The following PLA2G2A variants were observed in gnomAD, a reference collection of about 807,000 sequenced individuals.
The protein encoded by PLA2G2A is phospholipase A2, membrane associated.
Under a neutral mutation model 11.2 loss-of-function variants are expected in PLA2G2A, and 6 were observed. The ratio of observed to expected loss-of-function variants is 0.54; its 90% CI spans 0.29 to 1.06. The LOEUF (loss-of-function observed/expected upper bound fraction) is 1.06, where lower values mean the gene tolerates loss of function less well. Ranked by LOEUF, PLA2G2A falls within the 50% of genes least tolerant of loss-of-function variation. The probability of loss-of-function intolerance (pLI) is 0.08; values close to 1 mark genes in which losing one functional copy is unlikely to be tolerated. For synonymous variants in PLA2G2A, 69 were observed against 65.8 expected (o/e 1.05, Z -0.23); for missense variants, 133 against 177.1 (o/e 0.75, Z 1.41).
intron 4 of PLA2G2A, among the ~76,000 whole-genome samples, 186 bp downstream of exon 4, chr1:19,977,829 A>G (rs1197704399): frequency 6.6e-6 from 1 of 152,100 alleles, no homozygotes; most frequent in African/African-American, 2.4e-5. Context: ...TTAATGCCTT[A>G]TCTGTTTGTT....
rs1003593354 is a variant in PLA2G2A at position 19,975,934 on chromosome 1, T to C, written c.293-91A>G. ...CCCTGGGGTAGAAGACACAGCCCTG[T>C]CCTCCAGAAGCTCCTAGTTGGAGAC... On this transcript the variant is annotated intron_variant, in intron 4 of 4. Coordinates refer to ENST00000482011, the Ensembl canonical transcript of PLA2G2A. 9.1e-6 allele frequency: 10 copies of C among 1,093,812 alleles called. No individual in the cohort carries two copies. The African/African-American group carries it at 1.2e-4, about 14-fold the overall frequency. 67.8% of individuals were successfully genotyped at this position (1,093,812 alleles called of 1,614,324 possible).
At chr1:19,977,455 C>A (rs990944763) in intron 4 of PLA2G2A, among the ~76,000 whole-genome samples, 1 of 152,236 alleles carries the variant, frequency 6.6e-6, no homozygotes, top group African/African-American at 2.4e-5. Context: ...CTCTGCCCCC[C>A]TTCCACTTGT....
intron 3 of PLA2G2A, 54 bp from the exon 4 acceptor site, chr1:19,978,175 T>C: frequency 7.0e-7 from 1 of 1,421,044 alleles, no homozygotes. Context: ...GGAGGCCTGG[T>C]GCCTGTGGTC....
At chr1:19,980,426 GC>G (rs2046283387), upstream of PLA2G2A, 2 of 152,452 alleles carry the variant, frequency 1.3e-5, no homozygotes, top group Admixed American at 1.3e-4. Flanking sequence ...CAGCCTTCGG[GC>G]TGACACTGAC....
intron 3 of PLA2G2A, 126 bp downstream of exon 3, chr1:19,978,254 C>T: frequency 7.3e-7 from 1 of 1,377,136 alleles, no homozygotes; most frequent in Non-Finnish European, 1.0e-6. Flanking sequence ...TTCCAACATG[C>T]CGGCTGCTTT....
chr1:19,975,829 A>G, exon 5 of PLA2G2A: 1 of 1,614,068 alleles, frequency 6.2e-7, no homozygotes, highest in Non-Finnish European at 8.5e-7. Context: ...TGACTTCTGC[A>G]GGAGTCCTGT....
In PLA2G2A at chr1:19,978,832, T is replaced by C. The variant is rs185036959; in HGVS notation, c.-59A>G. On this transcript the variant is annotated 5_prime_UTR_variant, in exon 2 of 5. Transcript: ENST00000482011. Reference sequence around the variant, plus strand: ...CTGGCCTAGCTCCTCTGCTGGGTGGTCTCAACTTCTGCCCCGGCCGTCGCT... The same window carrying C: ...CTGGCCTAGCTCCTCTGCTGGGTGGCCTCAACTTCTGCCCCGGCCGTCGCT... 67 of 1,558,808 alleles carry C rather than the reference T, an allele frequency of 4.3e-5. No homozygotes were observed. The Admixed American group carries it at 8.0e-4, about 19-fold the overall frequency.
exon 3 of PLA2G2A, chr1:19,978,475 C>T: frequency 6.2e-7 from 1 of 1,613,952 alleles, no homozygotes; most frequent in Non-Finnish European, 8.5e-7. Context: ...CTGTCGTCAA[C>T]TTGATCATTC....
intron 3 of PLA2G2A, 97 bp from the exon 4 acceptor site, chr1:19,978,218 G>A: frequency 1.5e-6 from 2 of 1,334,782 alleles, no homozygotes; most frequent in African/African-American, 2.9e-5. Flanking sequence ...GAGACCCAGT[G>A]ACTTTGCAAC....
At chr1:19,977,535 T>C (rs2046237603) in intron 4 of PLA2G2A, among the ~76,000 whole-genome samples, 1 of 152,236 alleles carries the variant, frequency 6.6e-6, no homozygotes, top group South Asian at 2.1e-4. Flanking sequence ...CTTTGCTTAA[T>C]AGCATCCTAT....
At chr1:19,979,050 C>T in intron 1 of PLA2G2A, 171 bp from the exon 2 acceptor site, 1 of 545,680 alleles carries the variant, frequency 1.8e-6, no homozygotes, top group Non-Finnish European at 3.3e-6. Context: ...TCACACACAT[C>T]AGGCCCTCAG....
Position 19,978,458 on chromosome 1 carries a change from TC to T in PLA2G2A, c.106del (p.Glu36LysfsTer49). The stretch of plus-strand genomic sequence containing the variant: ...GTAGAAGCCATAACTGAGTGCGGCT[TC>T]CTTTCCTGTCGTCAACTTGATCATT... On this transcript the variant is annotated frameshift_variant, in exon 3 of 5. Transcript: ENST00000482011. LOFTEE classifies it high-confidence loss of function. The T allele has an allele frequency of 2.5e-6, 4 of 1,613,984 alleles. No homozygotes were observed. The Middle Eastern group carries it at 6.7e-4, about 268-fold the overall frequency.
upstream of PLA2G2A, chr1:19,979,664 G>A (rs1439726660): frequency 6.6e-6 from 1 of 152,466 alleles, no homozygotes; most frequent in African/African-American, 2.4e-5. Flanking sequence ...CTCCCTCTGG[G>A]AGGTTGGGGG....
downstream of PLA2G2A, chr1:19,975,584 T>C (rs570913446): frequency 4.5e-5 from 43 of 960,146 alleles, no homozygotes; most frequent in African/African-American, 4.6e-4. Context: ...CTGCCTGGCC[T>C]CTAGGATGGG....
At chr1:19,979,949 G>A (rs1340431257), upstream of PLA2G2A, among the ~76,000 whole-genome samples, 1 of 152,220 alleles carries the variant, frequency 6.6e-6, no homozygotes, top group Non-Finnish European at 1.5e-5. Flanking sequence ...ACTGTCTGCT[G>A]TTGCAGGCTG....
At chr1:19,978,167 A>C in intron 3 of PLA2G2A, 46 bp from the exon 4 acceptor site, 3 of 1,444,788 alleles carry the variant, frequency 2.1e-6, no homozygotes, top group Non-Finnish European at 2.9e-6. Context: ...CAGCTCCAGG[A>C]GGCCTGGTGC....
chr1:19,975,956 A>G, intron 4 of PLA2G2A, 113 bp from the exon 5 acceptor site: 7 of 867,936 alleles, frequency 8.1e-6, no homozygotes, highest in South Asian at 1.4e-5. Flanking sequence ...TCCTAGTTGG[A>G]GACAAACACC....
intron 2 of PLA2G2A, 55 bp from the exon 3 acceptor site, chr1:19,978,579 C>G: frequency 6.2e-7 from 1 of 1,601,758 alleles, no homozygotes; most frequent in Non-Finnish European, 8.5e-7. Flanking sequence ...CTGCGCCCTC[C>G]CTCTCTGCCC....
intron 4 of PLA2G2A, among the ~76,000 whole-genome samples, chr1:19,977,572 C>G (rs11573166): frequency 0.01 from 1,572 of 152,340 alleles, 24 homozygotes; most frequent in African/African-American, 0.035. Context: ...CTAAATACAG[C>G]CCGGCCTGGA....
Sources: gnomAD v4.1 joint callset for allele counts (sites outside exome capture counted in the v4.1 genomes callset) on GRCh38, gnomAD v4.1.1 for gene constraint, MANE v1.5 for transcripts, NCBI Gene and HGNC (gene_info 2026-07-23, HGNC 2026-07-21) for gene names.